VPS13B: variants seen among roughly 807,000 people sequenced by gnomAD.
VPS13B encodes intermembrane lipid transfer protein VPS13B.
VPS13B carries 285 observed loss-of-function variants against 426.4 expected under a neutral mutation model. The observed-to-expected ratio is 0.67, with a 90% CI of 0.61 to 0.74. VPS13B has a LOEUF of 0.74. Ranked by LOEUF, VPS13B falls within the 30% of genes least tolerant of loss-of-function variation. VPS13B has a pLI of 0.00. For missense variants in VPS13B, 4,537 were observed against 4,782.6 expected (o/e 0.95, Z 1.51); for synonymous variants, 1,676 against 1,676.4 (o/e 1.00, Z 0.01).
chr8:99,278,585 T>A (rs1318243457), intron 19 of VPS13B, among the ~76,000 whole-genome samples: 1 of 152,244 alleles, frequency 6.6e-6, no homozygotes, highest in Non-Finnish European at 1.5e-5. Flanking sequence ...GTCTTTGAAC[T>A]AGAACTTGGA....
chr8:99,080,836 A>G (rs1335783902), intron 3 of VPS13B, among the ~76,000 whole-genome samples: 1 of 152,102 alleles, frequency 6.6e-6, no homozygotes, highest in Non-Finnish European at 1.5e-5. Context: ...TTGTAAGGTT[A>G]TTTTTAACAG....
At position 99,586,772 on chromosome 8, in the gene VPS13B, A is replaced by G. The variant is rs1363192093; in HGVS notation, c.5220+9139A>G. Among the ~76,000 whole-genome samples the G allele has an allele frequency of 2.0e-5, 3 of 152,186 alleles. No individual in the cohort carries two copies. In the East Asian group the frequency reaches 5.8e-4, roughly 29 times the overall value. ...GGCCATACTGTCCAAAGTAATTAAT[A>G]GATTGAATGCTATTCCCATTAAACT... On this transcript the variant is annotated intron_variant, in intron 33 of 61. Transcript: ENST00000357162.
intron 33 of VPS13B, among the ~76,000 whole-genome samples, chr8:99,633,374 G>C (rs1414330558): frequency 6.6e-6 from 1 of 151,952 alleles, no homozygotes; most frequent in African/African-American, 2.4e-5. Context: ...TTACATATAG[G>C]CTCGGTAAAC....
intron 39 of VPS13B, among the ~76,000 whole-genome samples, 192 bp downstream of exon 39, chr8:99,721,239 T>A (rs1833117970): frequency 6.6e-6 from 1 of 152,162 alleles, no homozygotes; most frequent in South Asian, 2.1e-4. Flanking sequence ...AATAATGTAA[T>A]CCAAATTCAT....
chr8:99,247,424 C>T lies in VPS13B; in HGVS notation c.2516-26774C>T, dbSNP rs115779314. On this transcript the variant is annotated intron_variant, in intron 17 of 61. Coordinates refer to ENST00000357162, the MANE Select transcript of VPS13B (RefSeq NM_152564.5). Reference sequence around the variant, plus strand: ...CAGTTTCAGGGAGTTTGGGCAATGCCTGTGATATTTGTGTCTTGAAAATAT... The same window carrying T: ...CAGTTTCAGGGAGTTTGGGCAATGCTTGTGATATTTGTGTCTTGAAAATAT... Among the ~76,000 whole-genome samples the T allele has an allele frequency of 1.0e-2, 1,518 of 152,082 alleles. 16 individuals are homozygous for T. The highest frequency in any genetic ancestry group is 0.028 in the South Asian group (133 of 4,802).
chr8:99,096,525 G>A (rs1305909098), intron 4 of VPS13B, 93 bp downstream of exon 4: 14 of 1,554,494 alleles, frequency 9.0e-6, no homozygotes, highest in South Asian at 1.1e-5. Flanking sequence ...GGGGGCTGAG[G>A]CGGGTGGATT....
chr8:99,524,153 T>TA (rs1174575506), intron 30 of VPS13B, among the ~76,000 whole-genome samples: 2 of 151,804 alleles, frequency 1.3e-5, no homozygotes, highest in Non-Finnish European at 2.9e-5. Flanking sequence ...GAAGAAAGAA[T>TA]TAGTAAGCTT....
At position 99,727,368 on chromosome 8, in the gene VPS13B, A is replaced by T. The variant is rs554167844; in HGVS notation, c.7050+6321A>T. Among the ~76,000 whole-genome samples, 3 of 152,324 alleles carry T rather than the reference A, an allele frequency of 2.0e-5. No homozygotes were observed. The South Asian group carries it at 6.2e-4, about 32-fold the overall frequency. On this transcript the variant is annotated intron_variant, in intron 39 of 61. Coordinates refer to ENST00000357162, the MANE Select transcript of VPS13B (RefSeq NM_152564.5). The stretch of plus-strand genomic sequence containing the variant: ...TTTAAGTCAATAAAAAGACTGCCAA[A>T]CACACAAGATGGATTGGGTATTGTA...
Position 99,819,462 on chromosome 8 carries a change from T to G in VPS13B, c.8672T>G (p.Ile2891Ser), listed in dbSNP as rs1814238364. Residue 2891 changes from isoleucine (I) to serine (S), a missense_variant, in exon 48 of 62, where the codon ATT becomes AGT. By Grantham distance (142) the Ile-to-Ser change is moderately radical (BLOSUM62 -2). Transcript: ENST00000357162. ...GCAGTTCCCATCTCAACATCCCTCA[T>G]TAAGCAAATAGCCACTAAGGTACAC... ...DCAVPISTSLIKQIATKVHPG... is the reference protein window; with the variant it reads ...DCAVPISTSLSKQIATKVHPG... 3 of 1,613,924 alleles carry G rather than the reference T, an allele frequency of 1.9e-6. No individual in the cohort carries two copies. Among genetic ancestry groups the G allele is most frequent in the Middle Eastern group, 1.7e-4 (1 of 6,058 alleles).
At chr8:99,310,478 C>G (rs987720628) in intron 19 of VPS13B, among the ~76,000 whole-genome samples, 2 of 151,960 alleles carry the variant, frequency 1.3e-5, no homozygotes, top group Non-Finnish European at 1.5e-5. Flanking sequence ...TGTTTATATA[C>G]TGGATTATGT....
chr8:99,674,984 A>T (rs1187415099), intron 35 of VPS13B, among the ~76,000 whole-genome samples: 1 of 152,058 alleles, frequency 6.6e-6, no homozygotes, highest in Non-Finnish European at 1.5e-5. Flanking sequence ...ACACACCACC[A>T]TTACAATATT....
chr8:99,747,285 C>CA (rs1204936696), intron 39 of VPS13B, among the ~76,000 whole-genome samples: 3,182 of 77,118 alleles, frequency 0.041, 82 homozygotes, highest in African/African-American at 0.13. Flanking sequence ...TGTTATTGTA[C>CA]AAAAAAAAAA....
intron 19 of VPS13B, among the ~76,000 whole-genome samples, chr8:99,360,213 T>C (rs1408762345): frequency 1.1e-4 from 2 of 17,860 alleles, no homozygotes; most frequent in African/African-American, 5.6e-4. Flanking sequence ...TCTCTCTCTT[T>C]CTTTCTTTCT....
chr8:99,366,063 A>G (rs1487651410), intron 19 of VPS13B, among the ~76,000 whole-genome samples: 4 of 151,914 alleles, frequency 2.6e-5, no homozygotes, highest in Non-Finnish European at 5.9e-5. Context: ...AAGAATTTGT[A>G]TTCTGTCGCC....
intron 23 of VPS13B, among the ~76,000 whole-genome samples, chr8:99,443,794 T>G (rs1050021544): frequency 3.9e-5 from 6 of 152,144 alleles, no homozygotes; most frequent in African/African-American, 1.4e-4. Context: ...TTTACAGGAT[T>G]TTTGTGTGGA....
chr8:99,700,950 A>C (rs1377676290), intron 36 of VPS13B, among the ~76,000 whole-genome samples: 2 of 152,180 alleles, frequency 1.3e-5, no homozygotes, highest in African/African-American at 2.4e-5. Flanking sequence ...GGATAAAGCA[A>C]ATCCTTATAT....
intron 14 of VPS13B, among the ~76,000 whole-genome samples, chr8:99,150,277 G>C (rs537746156): frequency 6.6e-6 from 1 of 152,172 alleles, no homozygotes; most frequent in Admixed American, 6.5e-5. Context: ...CAGAGTGAAA[G>C]GTACAGAGAT....
intron 21 of VPS13B, among the ~76,000 whole-genome samples, chr8:99,401,863 T>C (rs950337842): frequency 6.6e-6 from 1 of 152,044 alleles, no homozygotes; most frequent in Non-Finnish European, 1.5e-5. Context: ...AGACTCCATC[T>C]CTAAATACAT....
At chr8:99,596,503 C>A (rs968340111) in intron 33 of VPS13B, among the ~76,000 whole-genome samples, 1 of 151,838 alleles carries the variant, frequency 6.6e-6, no homozygotes, top group Non-Finnish European at 1.5e-5. Flanking sequence ...AATCAGAGAC[C>A]CTGTCTCCTC....
Sources: allele counts gnomAD v4.1 joint callset (sites outside exome capture counted in the v4.1 genomes callset), GRCh38; gene constraint gnomAD v4.1.1; transcripts MANE v1.5; gene names NCBI Gene and HGNC (gene_info 2026-07-23, HGNC 2026-07-21).